Variants in DPRX observed in about 807,000 individuals in gnomAD.
The protein encoded by DPRX is divergent paired-related homeobox.
DPRX carries 11 observed loss-of-function variants against 8.4 expected under a neutral mutation model. That is an observed-to-expected ratio of 1.31 (90% CI 0.82 to 2.17). The LOEUF is 2.17. DPRX is among the 30% of genes most tolerant of loss of function. The probability of loss-of-function intolerance (pLI) is 0.00; values close to 1 mark genes in which losing one functional copy is unlikely to be tolerated. For synonymous variants in DPRX, 72 were observed against 87.0 expected (o/e 0.83, Z 0.96); for missense variants, 211 against 236.7 (o/e 0.89, Z 0.71).
chr19:53,632,356 A>G (rs1297297674), intron 1 of DPRX, among the ~76,000 whole-genome samples: 1 of 152,092 alleles, frequency 6.6e-6, no homozygotes, highest in Non-Finnish European at 1.5e-5. Context: ...GCTGGAGTGC[A>G]GTGGCACGAT....
At chr19:53,624,841 A>AAAAAG in the DPRX span, among the ~76,000 whole-genome samples, 114 of 142,382 alleles carry the variant, frequency 8.0e-4, 1 homozygote, top group African/African-American at 2.8e-3. Flanking sequence ...AAAAAAAAAA[A>AAAAAG]AAAGAAAGAA....
the DPRX span, among the ~76,000 whole-genome samples, chr19:53,611,336 C>A: frequency 6.6e-6 from 1 of 152,006 alleles, no homozygotes; most frequent in Admixed American, 6.6e-5. Context: ...AGGCTCAAGG[C>A]ATCCTCCCAC....
the DPRX span, among the ~76,000 whole-genome samples, chr19:53,605,933 T>C: frequency 6.6e-6 from 1 of 152,110 alleles, no homozygotes; most frequent in East Asian, 1.9e-4. Flanking sequence ...CCTCCCAAAG[T>C]GCTGGGGTTA....
chr19:53,614,185 C>G, the DPRX span, among the ~76,000 whole-genome samples: 1 of 151,754 alleles, frequency 6.6e-6, no homozygotes, highest in African/African-American at 2.4e-5. Flanking sequence ...TTCCTGACCT[C>G]GTAATCTGCC....
chr19:53,601,927 GTATT>G, the DPRX span: 1 of 429,716 alleles, frequency 2.3e-6, no homozygotes, highest in South Asian at 1.7e-5. Context: ...GTCCCGTAGA[GTATT>G]TAGAGCTTGA....
the DPRX span, among the ~76,000 whole-genome samples, chr19:53,618,486 C>G: frequency 5.3e-5 from 8 of 151,666 alleles, no homozygotes; most frequent in Admixed American, 4.6e-4. Context: ...AAAATAAACA[C>G]TACTATGGAC....
chr19:53,621,717 G>C, the DPRX span, among the ~76,000 whole-genome samples: 1 of 151,932 alleles, frequency 6.6e-6, no homozygotes, highest in South Asian at 2.1e-4. Flanking sequence ...CCTGGAGGTA[G>C]AGGTTGCAGT....
At chr19:53,624,079 CTTTTTTTTTTTTT>C in the DPRX span, among the ~76,000 whole-genome samples, 360 of 93,296 alleles carry the variant, frequency 3.9e-3, 6 homozygotes, top group African/African-American at 0.014. Flanking sequence ...ATTGTTGTAC[CTTTTTTTTTTTTT>C]TTTTTTTTTT....
chr19:53,626,228 G>A, the DPRX span, among the ~76,000 whole-genome samples: 2,071 of 152,076 alleles, frequency 0.014, 38 homozygotes, highest in African/African-American at 0.048. Flanking sequence ...GTGAGCCACC[G>A]TGACTGGCCC....
chr19:53,619,854 CAAA>C, the DPRX span, among the ~76,000 whole-genome samples: 10 of 111,064 alleles, frequency 9.0e-5, no homozygotes, highest in East Asian at 2.6e-4. Context: ...GACTCTATCT[CAAA>C]AAAAAAAAAA....
the DPRX span, among the ~76,000 whole-genome samples, chr19:53,604,928 A>G: frequency 1.3e-5 from 2 of 152,002 alleles, no homozygotes; most frequent in South Asian, 2.1e-4. Flanking sequence ...GATGGTTATG[A>G]TATTACCTTG....
the DPRX span, among the ~76,000 whole-genome samples, chr19:53,619,328 C>T: frequency 0.01 from 1,523 of 152,006 alleles, 24 homozygotes; most frequent in African/African-American, 0.034. Flanking sequence ...ATCACAAGGT[C>T]GGGAGTTTGA....
intron 2 of DPRX, among the ~76,000 whole-genome samples, chr19:53,635,921 G>A (rs936682061): frequency 3.3e-5 from 5 of 152,076 alleles, no homozygotes; most frequent in Non-Finnish European, 7.4e-5. Context: ...CCTGCTCTGG[G>A]TTTTCTGACC....
chr19:53,613,340 G>T, the DPRX span, among the ~76,000 whole-genome samples: 1 of 151,992 alleles, frequency 6.6e-6, no homozygotes, highest in Non-Finnish European at 1.5e-5. Context: ...ACGTTGTCAC[G>T]TGTGAGATCT....
At chr19:53,616,836 G>T in the DPRX span, 4 of 1,600,432 alleles carry the variant, frequency 2.5e-6, no homozygotes, top group Non-Finnish European at 3.4e-6. Flanking sequence ...CGTTCTTAGC[G>T]CTTGAATGTC....
At chr19:53,623,933 A>G in the DPRX span, among the ~76,000 whole-genome samples, 1 of 151,188 alleles carries the variant, frequency 6.6e-6, no homozygotes, top group African/African-American at 2.4e-5. Flanking sequence ...CAGGGCAACA[A>G]GAGTGAAACT....
chr19:53,609,001 A>AAGAAAG, the DPRX span, among the ~76,000 whole-genome samples: 1 of 150,902 alleles, frequency 6.6e-6, no homozygotes, highest in Admixed American at 6.6e-5. Context: ...AAGAGAAAGA[A>AAGAAAG]AGAAAGAAAG....
the DPRX span, among the ~76,000 whole-genome samples, chr19:53,602,783 C>A: frequency 2.6e-5 from 4 of 151,546 alleles, no homozygotes; most frequent in Non-Finnish European, 4.4e-5. Context: ...TCCACTCCCC[C>A]CCGGCACCCG....
chr19:53,633,969 GGAGGAACCAAGGGGGA>G (rs1160832090), intron 1 of DPRX, among the ~76,000 whole-genome samples: 10 of 152,156 alleles, frequency 6.6e-5, no homozygotes, highest in African/African-American at 2.4e-4. Context: ...AAAAAAGGAT[GGAGGAACCAAGGGGGA>G]AAGGAACAAC....
Sources: gnomAD v4.1 joint callset for allele counts (sites outside exome capture counted in the v4.1 genomes callset) on GRCh38, gnomAD v4.1.1 for gene constraint, MANE v1.5 for transcripts, NCBI Gene and HGNC (gene_info 2026-07-23, HGNC 2026-07-21) for gene names.